Variants in FBXL17 observed in about 807,000 individuals in gnomAD.
FBXL17 encodes the protein F-box/LRR-repeat protein 17.
FBXL17 carries 22 observed loss-of-function variants against 66.2 expected under a neutral mutation model. The ratio of observed to expected loss-of-function variants is 0.33; its 90% CI spans 0.24 to 0.47. The LOEUF (loss-of-function observed/expected upper bound fraction) is 0.47. Among genes scored for constraint, FBXL17 ranks in the 20% least tolerant of loss-of-function variants. The probability of loss-of-function intolerance (pLI) is 1.00; values close to 1 mark genes in which losing one functional copy is unlikely to be tolerated. For synonymous variants in FBXL17, 474 were observed against 400.5 expected, an observed-to-expected ratio of 1.18 and a Z score of -2.19; for missense variants, 878 against 948.2, an observed-to-expected ratio of 0.93 and a Z score of 0.97.
intron 4 of FBXL17, among the ~76,000 whole-genome samples, chr5:108,273,966 A>T (rs942736160): frequency 1.3e-4 from 20 of 152,198 alleles, no homozygotes; most frequent in African/African-American, 4.6e-4. Flanking sequence ...ACCTTGATGA[A>T]AATGTTACTT....
chr5:107,919,041 C>A (rs1328273018), intron 7 of FBXL17, among the ~76,000 whole-genome samples: 1 of 152,110 alleles, frequency 6.6e-6, no homozygotes, highest in African/African-American at 2.4e-5. Flanking sequence ...TTTTGTTACA[C>A]CATAGTAAAA....
At chr5:108,297,813 G>A (rs1314234687) in intron 4 of FBXL17, 1 of 786,108 alleles carries the variant, frequency 1.3e-6, no homozygotes, top group Non-Finnish European at 1.5e-6. Context: ...TCATGCTTTA[G>A]AATTCTTACT....
intron 7 of FBXL17, among the ~76,000 whole-genome samples, chr5:107,936,748 A>C (rs1324227320): frequency 1.3e-5 from 2 of 152,092 alleles, no homozygotes; most frequent in Non-Finnish European, 2.9e-5. Flanking sequence ...TTTCATATTG[A>C]CTTCTGACCT....
At chr5:108,286,883 C>T (rs763648825) in intron 4 of FBXL17, among the ~76,000 whole-genome samples, 3 of 151,976 alleles carry the variant, frequency 2.0e-5, no homozygotes, top group Non-Finnish European at 4.4e-5. Context: ...TGACTTTATA[C>T]TACAAGGCTA....
chr5:108,031,591 A>G (rs1298046594), intron 6 of FBXL17, among the ~76,000 whole-genome samples: 2 of 152,190 alleles, frequency 1.3e-5, no homozygotes, highest in Non-Finnish European at 2.9e-5. Flanking sequence ...GAAAGTTCAA[A>G]GTATTCTGCA....
At chr5:108,078,432 T>C (rs1241779455) in intron 6 of FBXL17, among the ~76,000 whole-genome samples, 1 of 152,202 alleles carries the variant, frequency 6.6e-6, no homozygotes, top group East Asian at 1.9e-4. Context: ...CCAAAATATA[T>C]TTCTTTGACA....
chr5:108,249,178 G>T (rs1286192938), intron 4 of FBXL17, among the ~76,000 whole-genome samples: 1 of 151,926 alleles, frequency 6.6e-6, no homozygotes, highest in African/African-American at 2.4e-5. Context: ...CAGAAAATGG[G>T]TACACTAATC....
chr5:108,117,306 A>G (rs910828997), intron 6 of FBXL17, among the ~76,000 whole-genome samples: 1 of 152,198 alleles, frequency 6.6e-6, no homozygotes, highest in African/African-American at 2.4e-5. Context: ...TACAATTTGA[A>G]AAGTCTAAAG....
chr5:108,189,384 CA>C (rs1193606806), intron 5 of FBXL17, among the ~76,000 whole-genome samples: 1 of 151,466 alleles, frequency 6.6e-6, no homozygotes, highest in African/African-American at 2.4e-5. Context: ...AGAAAAAAAG[CA>C]CAAGTCTCAG....
intron 5 of FBXL17, among the ~76,000 whole-genome samples, chr5:108,195,136 A>G (rs1753628935): frequency 6.6e-6 from 1 of 152,128 alleles, no homozygotes; most frequent in Non-Finnish European, 1.5e-5. Flanking sequence ...TAGAATGGTT[A>G]TATTCCTAGC....
intron 4 of FBXL17, among the ~76,000 whole-genome samples, chr5:108,259,515 C>T (rs146706696): frequency 6.6e-6 from 1 of 152,150 alleles, no homozygotes; most frequent in African/African-American, 2.4e-5. Flanking sequence ...GTCTAACACA[C>T]TTAACCTCTC....
intron 6 of FBXL17, among the ~76,000 whole-genome samples, chr5:108,034,727 G>A (rs2112791461): frequency 6.6e-6 from 1 of 152,092 alleles, no homozygotes; most frequent in South Asian, 2.1e-4. Flanking sequence ...TTTTTCATAA[G>A]ATTAATGTTT....
chr5:108,344,923 G>T (rs988436), intron 4 of FBXL17, among the ~76,000 whole-genome samples: 130,067 of 152,256 alleles, frequency 0.85, 55,875 homozygotes, highest in African/African-American at 0.95. Flanking sequence ...TCAAATCTAT[G>T]TGTATAGTCG....
At chr5:107,969,801 C>T (rs1752299424) in intron 7 of FBXL17, among the ~76,000 whole-genome samples, 1 of 152,098 alleles carries the variant, frequency 6.6e-6, no homozygotes, top group African/African-American at 2.4e-5. Context: ...AACTTTCTAA[C>T]CCAATTTGAA....
intron 7 of FBXL17, among the ~76,000 whole-genome samples, chr5:107,887,157 A>G (rs532559587): frequency 1.3e-5 from 2 of 152,244 alleles, no homozygotes; most frequent in Non-Finnish European, 2.9e-5. Flanking sequence ...GGTGAAGAGC[A>G]TACGTGAACT....
intron 3 of FBXL17, among the ~76,000 whole-genome samples, chr5:108,349,311 G>T (rs1008737867): frequency 6.6e-6 from 1 of 152,102 alleles, no homozygotes; most frequent in Non-Finnish European, 1.5e-5. Context: ...ACAGAAAAGG[G>T]ACTGAAATAC....
chr5:108,151,066 T>C (rs904405695), intron 6 of FBXL17, among the ~76,000 whole-genome samples: 3 of 152,186 alleles, frequency 2.0e-5, no homozygotes, highest in Admixed American at 2.0e-4. Context: ...CATAGGTTCT[T>C]TCGTGAGGCC....
intron 7 of FBXL17, among the ~76,000 whole-genome samples, chr5:107,981,216 G>C (rs1350891913): frequency 1.3e-5 from 2 of 152,170 alleles, no homozygotes; most frequent in African/African-American, 4.8e-5. Context: ...CTAGAAAGGA[G>C]TTGGAGATAA....
Position 108,083,936 on chromosome 5 carries a change from T to C in FBXL17, c.1746-62935A>G, listed in dbSNP as rs554852437. ...CAATATGAAGGATCTGACTGACACCTAAGCTAGGAGGGAAAACAAAAGAAA... is the reference window on the plus strand; with the variant it reads ...CAATATGAAGGATCTGACTGACACCCAAGCTAGGAGGGAAAACAAAAGAAA... On this transcript the variant is annotated intron_variant, in intron 6 of 8. Coordinates refer to ENST00000542267, the MANE Select transcript of FBXL17 (RefSeq NM_001163315.3). Among the ~76,000 whole-genome samples, 3 of 152,294 alleles carry C rather than the reference T, an allele frequency of 2.0e-5. No individual in the cohort carries two copies. The South Asian group carries it at 6.2e-4, about 32-fold the overall frequency.
Sources: gnomAD v4.1 joint callset for allele counts (sites outside exome capture counted in the v4.1 genomes callset) on GRCh38, gnomAD v4.1.1 for gene constraint, MANE v1.5 for transcripts, NCBI Gene and HGNC (gene_info 2026-07-23, HGNC 2026-07-21) for gene names.